The following COQ8A variants were observed in gnomAD, a reference collection of about 807,000 sequenced individuals.
The protein encoded by COQ8A is atypical kinase COQ8A, mitochondrial.
COQ8A carries 51 observed loss-of-function variants against 65.0 expected under a neutral mutation model. The ratio of observed to expected loss-of-function variants is 0.78; its 90% CI spans 0.63 to 0.99. The LOEUF (loss-of-function observed/expected upper bound fraction) is 0.99. Among genes scored for constraint, COQ8A ranks in the 50% least tolerant of loss-of-function variants. The pLI is 0.00. For missense variants in COQ8A, 940 were observed against 875.0 expected (o/e 1.07, Z -0.94); for synonymous variants, 371 against 353.2 (o/e 1.05, Z -0.57).
rs775212154 is a variant in COQ8A, at chr1:226,984,860, G to A, written c.1507-16G>A. ...GAGCACCAGGGCCAAACTTCTCCTG[G>A]TGTCTCTGTCCCCAGGTGGCTCTTT... On this transcript the variant is annotated splice_polypyrimidine_tract_variant and intron_variant, in intron 12 of 14. Transcript: ENST00000366777. The A allele has an allele frequency of 1.9e-6, 3 of 1,614,000 alleles. No homozygotes were observed. Among genetic ancestry groups the A allele is most frequent in the Non-Finnish European group, 2.5e-6 (3 of 1,180,006 alleles).
intron 1 of COQ8A, among the ~76,000 whole-genome samples, chr1:226,942,019 A>G (rs1289473): frequency 0.022 from 3,357 of 152,050 alleles, 65 homozygotes; most frequent in Admixed American, 0.028. Context: ...TGGCCTATAC[A>G]TTGTAGGATG....
intron 9 of COQ8A, 63 bp downstream of exon 9, chr1:226,983,696 G>A: frequency 6.2e-7 from 1 of 1,612,206 alleles, no homozygotes; most frequent in Non-Finnish European, 8.5e-7. Flanking sequence ...GTTGGGTTCT[G>A]GGGACCAGAG....
At chr1:226,957,307 C>T (rs1381484056) in intron 1 of COQ8A, among the ~76,000 whole-genome samples, 1 of 122,304 alleles carries the variant, frequency 8.2e-6, no homozygotes, top group Non-Finnish European at 1.7e-5. Flanking sequence ...CTCCCTGGTT[C>T]ACACTTTGCC....
At chr1:226,966,187 C>T (rs1029348938) in intron 4 of COQ8A, among the ~76,000 whole-genome samples, 1 of 152,236 alleles carries the variant, frequency 6.6e-6, no homozygotes, top group African/African-American at 2.4e-5. Flanking sequence ...ATTTAGGGAG[C>T]CCATTTGCTG....
At chr1:226,978,182 C>G (rs1659380845) in intron 5 of COQ8A, among the ~76,000 whole-genome samples, 1 of 150,492 alleles carries the variant, frequency 6.6e-6, no homozygotes. Context: ...TTTACATCCT[C>G]CACACACCCA....
At chr1:226,963,285 C>T (rs1658363323) in intron 2 of COQ8A, among the ~76,000 whole-genome samples, 1 of 152,256 alleles carries the variant, frequency 6.6e-6, no homozygotes, top group South Asian at 2.1e-4. Context: ...GCCATTCACT[C>T]CCTCAGTGCT....
At position 226,986,855 on chromosome 1, in the gene COQ8A, GCTGC is replaced by G; in HGVS notation, c.*122_*125del. On this transcript the variant is annotated 3_prime_UTR_variant, in exon 15 of 15. Coordinates refer to ENST00000366777, the MANE Select transcript of COQ8A (RefSeq NM_020247.5). ...ACTCCTTTGCCCAATAAGGGGGGTG[GCTGC>G]CTGGAGCCCCGTAGCCAGCGCTTTC... The G allele has an allele frequency of 7.8e-7, 1 of 1,277,540 alleles. No homozygotes were observed. Among genetic ancestry groups the G allele is most frequent in the Non-Finnish European group, 1.1e-6 (1 of 918,346 alleles). 79.1% of individuals were successfully genotyped at this position (1,277,540 alleles called of 1,614,324 possible). A position where few individuals can be genotyped will look rare whatever the true frequency, so the allele number is the denominator to read the frequency against.
At chr1:226,951,845 A>G (rs542689189) in intron 1 of COQ8A, among the ~76,000 whole-genome samples, 30 of 152,334 alleles carry the variant, frequency 2.0e-4, no homozygotes, top group East Asian at 5.8e-4. Flanking sequence ...TAATCTATAA[A>G]TGGGTGAGCA....
At chr1:226,962,533 G>T (rs370187823) in intron 2 of COQ8A, among the ~76,000 whole-genome samples, 1 of 152,206 alleles carries the variant, frequency 6.6e-6, no homozygotes, top group South Asian at 2.1e-4. Context: ...ACCTGTGTGT[G>T]TGCGCTTAGG....
intron 1 of COQ8A, among the ~76,000 whole-genome samples, chr1:226,960,232 T>G (rs1166824331): frequency 7.0e-6 from 1 of 143,480 alleles, no homozygotes; most frequent in Non-Finnish European, 1.5e-5. Context: ...TGATGGTACT[T>G]GGTGGTGGTG....
In COQ8A at chr1:226,983,847, A is replaced by G; in HGVS notation, c.1249A>G (p.Lys417Glu). The G allele has an allele frequency of 2.5e-6, 4 of 1,610,166 alleles. No homozygotes were observed. Among genetic ancestry groups the G allele is most frequent in the Non-Finnish European group, 3.4e-6 (4 of 1,179,750 alleles). Residue 417 changes from lysine (K) to glutamate (E), a missense_variant, in exon 10 of 15, where the codon AAG (lysine) becomes GAG (glutamate). Lys to Glu is a moderately conservative substitution (Grantham distance 56). Transcript: ENST00000366777. ...DYQREAACAR[K>E]FRDLLKGHPF... ...CCAGCGAGAGGCCGCCTGTGCCCGC[A>G]AGTTCAGGTGTGGCCCCCGGCCGGG...
At chr1:226,969,376 G>A (rs1052266921) in intron 4 of COQ8A, among the ~76,000 whole-genome samples, 1 of 152,064 alleles carries the variant, frequency 6.6e-6, no homozygotes, top group Non-Finnish European at 1.5e-5. Flanking sequence ...TTGGCTCACT[G>A]CAACTTCTGC....
intron 1 of COQ8A, among the ~76,000 whole-genome samples, chr1:226,957,773 C>T (rs771409279): frequency 5.3e-5 from 8 of 152,140 alleles, no homozygotes; most frequent in Non-Finnish European, 1.0e-4. Context: ...TTAGACAGCC[C>T]GTGGGGGTGT....
chr1:226,955,385 G>C (rs1657626236), intron 1 of COQ8A, among the ~76,000 whole-genome samples: 1 of 147,722 alleles, frequency 6.8e-6, no homozygotes, highest in Admixed American at 6.7e-5. Flanking sequence ...ACTCTCCCTG[G>C]CTCCCACTCT....
chr1:226,955,058 G>A (rs935070889), intron 1 of COQ8A, among the ~76,000 whole-genome samples: 3 of 152,144 alleles, frequency 2.0e-5, no homozygotes, highest in Non-Finnish European at 2.9e-5. Context: ...GGAACCTAAA[G>A]GCAGTGGAGG....
Position 226,983,640 on chromosome 1 carries a change from G to C in COQ8A, c.1162+7G>C, listed in dbSNP as rs1024405380. Reference sequence around the variant, plus strand: ...AGCAACATGCTTCCAGAAGGTCTGAGGCTAGGTGGTTGGGTCAAGGGCAGG... The same window carrying C: ...AGCAACATGCTTCCAGAAGGTCTGACGCTAGGTGGTTGGGTCAAGGGCAGG... On this transcript the variant is annotated splice_region_variant and intron_variant, in intron 9 of 14. Coordinates refer to ENST00000366777, the MANE Select transcript of COQ8A (RefSeq NM_020247.5). The C allele has an allele frequency of 6.2e-7, 1 of 1,613,930 alleles. No homozygotes were observed. Among genetic ancestry groups the C allele is most frequent in the Non-Finnish European group, 8.5e-7 (1 of 1,179,992 alleles).
chr1:226,958,629 G>A (rs1213883776), intron 1 of COQ8A, among the ~76,000 whole-genome samples: 2 of 152,148 alleles, frequency 1.3e-5, no homozygotes, highest in Non-Finnish European at 1.5e-5. Context: ...AGGAACCTCC[G>A]GTTGACTTTT....
chr1:226,950,002 A>T (rs1328066816), intron 1 of COQ8A, among the ~76,000 whole-genome samples: 3 of 152,296 alleles, frequency 2.0e-5, no homozygotes, highest in African/African-American at 7.2e-5. Flanking sequence ...CAAATATTTT[A>T]ATTTAAATGT....
intron 4 of COQ8A, among the ~76,000 whole-genome samples, chr1:226,968,498 G>T (rs953199520): frequency 3.3e-5 from 5 of 152,146 alleles, no homozygotes; most frequent in African/African-American, 4.8e-5. Context: ...CTTACTGGTG[G>T]GTCATCATCC....
Sources: gnomAD v4.1 joint callset for allele counts (sites outside exome capture counted in the v4.1 genomes callset) on GRCh38, gnomAD v4.1.1 for gene constraint, MANE v1.5 for transcripts, NCBI Gene and HGNC (gene_info 2026-07-23, HGNC 2026-07-21) for gene names.